ADCY2: variants seen among roughly 807,000 people sequenced by gnomAD.
ADCY2 encodes adenylate cyclase type 2.
A neutral mutation model predicts 125.2 loss-of-function variants in ADCY2; 31 were observed. That is an observed-to-expected ratio of 0.25 (90% CI 0.19 to 0.33). The LOEUF (loss-of-function observed/expected upper bound fraction) is 0.33. Ranked by LOEUF, ADCY2 falls within the 10% of genes least tolerant of loss-of-function variation. The pLI is 1.00. For missense variants in ADCY2, 904 were observed against 1,418.2 expected (o/e 0.64, Z 5.82); for synonymous variants, 512 against 548.4 (o/e 0.93, Z 0.93).
chr5:7,717,804 G>A (rs1741636861), intron 12 of ADCY2, among the ~76,000 whole-genome samples: 1 of 152,146 alleles, frequency 6.6e-6, no homozygotes, highest in Admixed American at 6.6e-5. Context: ...TCTCAGCCTG[G>A]ACAGAATGAC....
chr5:7,462,280 C>G (rs1407350536), intron 2 of ADCY2, among the ~76,000 whole-genome samples: 1 of 152,202 alleles, frequency 6.6e-6, no homozygotes, highest in Non-Finnish European at 1.5e-5. Flanking sequence ...AGTCATCAAT[C>G]TCTCAGACTA....
At chr5:7,766,854 CG>C in intron 17 of ADCY2, 48 bp downstream of exon 17, 1 of 1,591,086 alleles carries the variant, frequency 6.3e-7, no homozygotes, top group Non-Finnish European at 8.5e-7. Flanking sequence ...CCTGTATGCT[CG>C]TAGTCTGTAT....
intron 2 of ADCY2, among the ~76,000 whole-genome samples, chr5:7,439,336 G>A (rs971740936): frequency 1.3e-5 from 2 of 152,104 alleles, no homozygotes; most frequent in Non-Finnish European, 2.9e-5. Context: ...CGGCAGGCAA[G>A]AGAGCTTGTA....
At chr5:7,641,318 T>C (rs558143451) in intron 4 of ADCY2, among the ~76,000 whole-genome samples, 240 of 152,292 alleles carry the variant, frequency 1.6e-3, no homozygotes, top group African/African-American at 5.6e-3. Context: ...CTATATTTAT[T>C]GTGCTAAAAC....
chr5:7,629,169 C>T (rs957583744), intron 4 of ADCY2, among the ~76,000 whole-genome samples: 3 of 152,208 alleles, frequency 2.0e-5, no homozygotes, highest in Non-Finnish European at 2.9e-5. Flanking sequence ...TTAGCAGCTG[C>T]GTCAGAGAGA....
chr5:7,482,202 C>A (rs962322861), intron 2 of ADCY2, among the ~76,000 whole-genome samples: 4 of 152,100 alleles, frequency 2.6e-5, no homozygotes, highest in African/African-American at 9.7e-5. Context: ...TTTCCATAAA[C>A]CTGTTGTTCA....
At chr5:7,621,651 T>A (rs1737957987) in intron 3 of ADCY2, among the ~76,000 whole-genome samples, 1 of 152,154 alleles carries the variant, frequency 6.6e-6, no homozygotes, top group Non-Finnish European at 1.5e-5. Flanking sequence ...TACTCTTAAA[T>A]GTGAAAAGAT....
intron 22 of ADCY2, among the ~76,000 whole-genome samples, chr5:7,814,022 CAA>C (rs202099109): frequency 7.5e-6 from 1 of 132,850 alleles, no homozygotes; most frequent in African/African-American, 2.6e-5. Flanking sequence ...AGTCGTGAGA[CAA>C]AAAAAAAAAA....
chr5:7,438,214 TC>T, intron 2 of ADCY2, among the ~76,000 whole-genome samples: 1 of 152,288 alleles, frequency 6.6e-6, no homozygotes, highest in East Asian at 1.9e-4. Flanking sequence ...CAAAACTGAC[TC>T]CCCTTCTCCT....
chr5:7,579,179 A>G (rs555367555), intron 3 of ADCY2, among the ~76,000 whole-genome samples: 2 of 152,318 alleles, frequency 1.3e-5, no homozygotes, highest in South Asian at 4.1e-4. Flanking sequence ...ACCTGAAGGC[A>G]CTGGAAAGTG....
intron 4 of ADCY2, among the ~76,000 whole-genome samples, chr5:7,679,735 G>A (rs1740266515): frequency 6.6e-6 from 1 of 152,236 alleles, no homozygotes; most frequent in Non-Finnish European, 1.5e-5. Context: ...CGGAGGGACA[G>A]CTTTTGGAGG....
chr5:7,728,930 C>T (rs1009928755), intron 14 of ADCY2, among the ~76,000 whole-genome samples: 1 of 152,128 alleles, frequency 6.6e-6, no homozygotes, highest in Non-Finnish European at 1.5e-5. Context: ...TTTTAAGAAA[C>T]ACATCCTCGT....
At chr5:7,783,626 G>A (rs1304864425) in intron 18 of ADCY2, among the ~76,000 whole-genome samples, 1 of 152,030 alleles carries the variant, frequency 6.6e-6, no homozygotes, top group Non-Finnish European at 1.5e-5. Flanking sequence ...TATGTGACGT[G>A]GTGTCCATGC....
chr5:7,507,333 T>G (rs556853119), intron 2 of ADCY2, among the ~76,000 whole-genome samples: 2 of 134,054 alleles, frequency 1.5e-5, no homozygotes, highest in East Asian at 4.2e-4. Context: ...CCCAGCTACT[T>G]GGGAGGCTGA....
chr5:7,599,999 A>G (rs1274797049), intron 3 of ADCY2, among the ~76,000 whole-genome samples: 2 of 152,190 alleles, frequency 1.3e-5, no homozygotes, highest in Non-Finnish European at 2.9e-5. Flanking sequence ...CCACATTATC[A>G]GCAGGTGGGC....
In ADCY2 at chr5:7,396,851, G is replaced by T. The variant is rs1432356728; in HGVS notation, c.210+345G>T. On this transcript the variant is annotated intron_variant, in intron 1 of 24. Coordinates refer to ENST00000338316, the MANE Select transcript of ADCY2 (RefSeq NM_020546.3). This position sits in a 1 kb window ranked among gnomAD's most constrained non-coding sequence, Gnocchi z 5.7. ...CCGGGCACCGCTGCCCGCAGCGCTG[G>T]AATAGGTCTTCCCCGACTCAGCCCT... 1.3e-5 allele frequency among the ~76,000 whole-genome samples: 2 copies of T among 152,170 alleles called. No homozygotes were observed. Among genetic ancestry groups the T allele is most frequent in the Admixed American group, 6.5e-5 (1 of 15,286 alleles).
chr5:7,480,073 AC>A (rs1742671896), intron 2 of ADCY2, among the ~76,000 whole-genome samples: 1 of 152,218 alleles, frequency 6.6e-6, no homozygotes, highest in South Asian at 2.1e-4. Flanking sequence ...ATACCATCTC[AC>A]ATAAGTCAGG....
At chr5:7,589,493 A>AG (rs1736762541) in intron 3 of ADCY2, among the ~76,000 whole-genome samples, 2 of 65,706 alleles carry the variant, frequency 3.0e-5, no homozygotes, top group African/African-American at 6.9e-5. Flanking sequence ...AAAGAAAGAA[A>AG]GAAAGAAAGA....
intron 4 of ADCY2, chr5:7,657,989 A>G (rs1402531874): frequency 1.3e-5 from 2 of 152,326 alleles, no homozygotes; most frequent in African/African-American, 4.8e-5. Context: ...TCGCAGACCC[A>G]GACCCCCAGG....
Sources: allele counts gnomAD v4.1 joint callset (sites outside exome capture counted in the v4.1 genomes callset), GRCh38; gene constraint gnomAD v4.1.1; non-coding constraint Gnocchi (gnomAD v3.1); transcripts MANE v1.5; gene names NCBI Gene and HGNC (gene_info 2026-07-23, HGNC 2026-07-21).